PDE1C: variants seen among roughly 807,000 people sequenced by gnomAD.
PDE1C encodes the protein phosphodiesterase 1C.
Under a neutral mutation model 93.1 loss-of-function variants are expected in PDE1C, and 62 were observed. The observed-to-expected ratio is 0.67, with a 90% CI of 0.54 to 0.82. PDE1C has a LOEUF of 0.82. Among genes scored for constraint, PDE1C ranks in the 40% least tolerant of loss-of-function variants. The probability of loss-of-function intolerance (pLI) is 0.00; values close to 1 mark genes in which losing one functional copy is unlikely to be tolerated. For synonymous variants in PDE1C, 325 were observed against 310.1 expected (o/e 1.05, Z -0.50); for missense variants, 742 against 884.6 (o/e 0.84, Z 2.04).
chr7:31,629,652 T>C, the PDE1C span, among the ~76,000 whole-genome samples: 1 of 152,318 alleles, frequency 6.6e-6, no homozygotes, highest in South Asian at 2.1e-4. Context: ...CCATAGAGAA[T>C]GTTTTCCTTG....
At chr7:32,237,742 G>GTGTATATATATATATATA (rs1554293052) in intron 1 of PDE1C, among the ~76,000 whole-genome samples, 1 of 31,242 alleles carries the variant, frequency 3.2e-5, no homozygotes, top group South Asian at 1.4e-3. Context: ...TTGGCTCTGT[G>GTGTATATATATATATATA]TATATATATA....
intron 7 of PDE1C, among the ~76,000 whole-genome samples, chr7:31,852,801 A>C (rs551083009): frequency 6.6e-6 from 1 of 152,272 alleles, no homozygotes; most frequent in East Asian, 1.9e-4. Context: ...ATATAGGCAT[A>C]AATTTATATT....
chr7:32,249,030 C>CT (rs771763160), intron 1 of PDE1C, among the ~76,000 whole-genome samples: 19 of 152,108 alleles, frequency 1.2e-4, no homozygotes, highest in Admixed American at 3.9e-4. Flanking sequence ...TGAACAGGAG[C>CT]TCTTGGAAGT....
intron 2 of PDE1C, among the ~76,000 whole-genome samples, chr7:31,959,517 T>C (rs1009555786): frequency 6.6e-6 from 1 of 152,144 alleles, no homozygotes; most frequent in African/African-American, 2.4e-5. Context: ...TCAGTCCTAA[T>C]TTTGGTCAAT....
At chr7:31,955,034 C>T (rs1302892819) in intron 2 of PDE1C, among the ~76,000 whole-genome samples, 4 of 152,188 alleles carry the variant, frequency 2.6e-5, no homozygotes, top group African/African-American at 9.7e-5. Flanking sequence ...TAACTTTTCG[C>T]TCAGTCCCAA....
chr7:31,859,368 A>C (rs1794407175), intron 7 of PDE1C, among the ~76,000 whole-genome samples: 1 of 149,208 alleles, frequency 6.7e-6, no homozygotes, highest in South Asian at 2.1e-4. Flanking sequence ...ATATATAGCC[A>C]ATGGTACAAT....
chr7:31,738,616 C>T, the PDE1C span, among the ~76,000 whole-genome samples: 1 of 152,172 alleles, frequency 6.6e-6, no homozygotes, highest in Non-Finnish European at 1.5e-5. Flanking sequence ...AGAGGCATTT[C>T]TGCAAGGCCA....
At chr7:31,754,723 T>C (rs545879735) in intron 17 of PDE1C, among the ~76,000 whole-genome samples, 19 of 152,248 alleles carry the variant, frequency 1.2e-4, no homozygotes, top group Middle Eastern at 3.4e-3. Context: ...TCAGAGATTG[T>C]CAGGCGTTTG....
chr7:31,677,561 C>T, the PDE1C span, among the ~76,000 whole-genome samples: 7 of 151,772 alleles, frequency 4.6e-5, no homozygotes, highest in Admixed American at 6.6e-5. Flanking sequence ...TTTTTTTCTC[C>T]CCAGGTGCAG....
intron 3 of PDE1C, among the ~76,000 whole-genome samples, chr7:32,129,103 T>G (rs1179757398): frequency 2.0e-5 from 3 of 151,170 alleles, no homozygotes; most frequent in Admixed American, 2.0e-4. Context: ...ATAGACCCTT[T>G]TTCCTCTTTC....
At chr7:32,319,113 G>C (rs1057146215) in intron 1 of PDE1C, among the ~76,000 whole-genome samples, 1 of 152,234 alleles carries the variant, frequency 6.6e-6, no homozygotes, top group Non-Finnish European at 1.5e-5. Context: ...CCCGGGAGCT[G>C]CAGTCCTCCG....
At position 32,192,021 on chromosome 7, in the gene PDE1C, G is replaced by T. The variant is rs148398437; in HGVS notation, c.136+17468C>A. ...TTGCCATCGGTATATTTTCTCTGGT[G>T]AAATGTCTGTTCATGTTCTTTGACC... On this transcript the variant is annotated intron_variant, in intron 2 of 18. Coordinates refer to the PDE1C transcript ENST00000396193. Among the ~76,000 whole-genome samples, 1,086 of 152,134 alleles carry T rather than the reference G, an allele frequency of 7.1e-3. 7 individuals are homozygous for T. The highest frequency in any genetic ancestry group is 0.025 in the African/African-American group (1,050 of 41,490).
chr7:32,003,497 A>G (rs1480462227), intron 2 of PDE1C, among the ~76,000 whole-genome samples: 2 of 152,248 alleles, frequency 1.3e-5, no homozygotes, highest in Non-Finnish European at 2.9e-5. Flanking sequence ...GTCTTTAAAT[A>G]TAAGTTCCAT....
intron 2 of PDE1C, among the ~76,000 whole-genome samples, chr7:32,001,295 T>C (rs1785423011): frequency 6.6e-6 from 1 of 152,250 alleles, no homozygotes; most frequent in African/African-American, 2.4e-5. Flanking sequence ...AAAAGCTGTT[T>C]TTTAAGTGAG....
intron 2 of PDE1C, among the ~76,000 whole-genome samples, chr7:32,018,843 C>T (rs1302883353): frequency 6.6e-6 from 1 of 152,008 alleles, no homozygotes; most frequent in African/African-American, 2.4e-5. Flanking sequence ...CATTAAGATG[C>T]TTAAAAAATG....
chr7:31,926,679 T>G (rs1803428255), intron 2 of PDE1C, among the ~76,000 whole-genome samples: 1 of 152,096 alleles, frequency 6.6e-6, no homozygotes, highest in Non-Finnish European at 1.5e-5. Context: ...CCTGGGAAAG[T>G]GCAAGGAGTC....
chr7:32,167,078 T>A (rs1562540463), intron 3 of PDE1C, among the ~76,000 whole-genome samples: 1 of 152,172 alleles, frequency 6.6e-6, no homozygotes, highest in Admixed American at 6.6e-5. Context: ...TGGTGGAGAC[T>A]GAAACATAAA....
chr7:32,114,993 G>A (rs1798904312), intron 3 of PDE1C, among the ~76,000 whole-genome samples: 1 of 152,138 alleles, frequency 6.6e-6, no homozygotes, highest in South Asian at 2.1e-4. Context: ...TGGAGAAATA[G>A]GAACACTTTT....
intron 3 of PDE1C, among the ~76,000 whole-genome samples, chr7:32,148,833 C>T (rs6945491): frequency 0.071 from 10,787 of 152,088 alleles, 531 homozygotes; most frequent in South Asian, 0.18. Context: ...CCACAGCATC[C>T]AGGAGGCCAC....
Sources: allele counts gnomAD v4.1 joint callset (sites outside exome capture counted in the v4.1 genomes callset), GRCh38; gene constraint gnomAD v4.1.1; transcripts MANE v1.5; gene names NCBI Gene and HGNC (gene_info 2026-07-23, HGNC 2026-07-21).